TOMM20L: variants seen among roughly 807,000 people sequenced by gnomAD.
TOMM20L encodes the protein TOMM20-like protein 1.
TOMM20L carries 19 observed loss-of-function variants against 20.4 expected under a neutral mutation model. The observed-to-expected ratio is 0.93, with a 90% CI of 0.65 to 1.36. TOMM20L has a LOEUF of 1.36. Ranked by LOEUF, TOMM20L falls within the 40% of genes most tolerant of loss-of-function variation. The probability of loss-of-function intolerance (pLI) is 0.00; values close to 1 mark genes in which losing one functional copy is unlikely to be tolerated. For synonymous variants in TOMM20L, 75 were observed against 79.6 expected, an observed-to-expected ratio of 0.94 and a Z score of 0.30; for missense variants, 218 against 203.7, an observed-to-expected ratio of 1.07 and a Z score of -0.43.
Position 58,405,875 on chromosome 14 carries a change from T to G in TOMM20L, c.263-1451T>G, listed in dbSNP as rs117064509. Among the ~76,000 whole-genome samples the G allele has an allele frequency of 3.9e-3, 596 of 152,378 alleles. 4 individuals are homozygous for G. Among genetic ancestry groups the G allele is most frequent in the South Asian group, 0.013 (63 of 4,832 alleles). On this transcript the variant is annotated intron_variant, in intron 3 of 4. Transcript: ENST00000360945. ...TATTGCAGTTCTCGGTCTTGGCTGC[T>G]TATTCTTTAATTCTTCATCAAACCC...
At chr14:58,413,780 G>A in the TOMM20L span, among the ~76,000 whole-genome samples, 5 of 152,014 alleles carry the variant, frequency 3.3e-5, no homozygotes. Context: ...GGCTGAGGCG[G>A]GCAGATTACG....
In TOMM20L at chr14:58,395,996, CGCGGCGGCCTGTG is replaced by C; in HGVS notation, c.43_55del (p.Ala15ProfsTer84). ...GCTCCCTCCTCCGCCTCTTGGCCGC[CGCGGCGGCCTGTG>C]GCGCCTTCGCCTTCCTGGGCTATTG... On this transcript the variant is annotated frameshift_variant, in exon 1 of 5. Coordinates refer to ENST00000360945, the MANE Select transcript of TOMM20L (RefSeq NM_207377.3). LOFTEE classifies it high-confidence loss of function. 1 of 1,453,352 alleles carries C rather than the reference CGCGGCGGCCTGTG, an allele frequency of 6.9e-7. No homozygotes were observed. The highest frequency in any genetic ancestry group is 9.1e-7 in the Non-Finnish European group (1 of 1,096,082). 90.0% of individuals were successfully genotyped at this position (1,453,352 alleles called of 1,614,324 possible).
rs2036006244 is a variant in TOMM20L at position 58,402,656 on chromosome 14, TTGAATATTTTA to T, written c.181-12_181-2del. 1 of 1,571,400 alleles carries T rather than the reference TTGAATATTTTA, an allele frequency of 6.4e-7. No homozygotes were observed. The highest frequency in any genetic ancestry group is 8.8e-7 in the Non-Finnish European group (1 of 1,141,676). On this transcript the variant is annotated splice_polypyrimidine_tract_variant and intron_variant, in intron 2 of 4. Coordinates refer to ENST00000360945, the MANE Select transcript of TOMM20L (RefSeq NM_207377.3). ...TATACCTTACCTTCATTACTCATTGTTGAATATTTTATGAATATTTTAGTTGTGGGATCCAA... is the reference window on the plus strand; with the variant it reads ...TATACCTTACCTTCATTACTCATTGTTGAATATTTTAGTTGTGGGATCCAA...
At chr14:58,404,115 A>T (rs1311123769) in intron 3 of TOMM20L, among the ~76,000 whole-genome samples, 34 of 15,164 alleles carry the variant, frequency 2.2e-3, no homozygotes, top group East Asian at 7.0e-3. Context: ...ATATATATAT[A>T]TATATTTTTT....
chr14:58,415,489 A>G, the TOMM20L span, among the ~76,000 whole-genome samples: 2 of 152,228 alleles, frequency 1.3e-5, no homozygotes, highest in African/African-American at 4.8e-5. Flanking sequence ...CAAATGAAAA[A>G]ACAGAAGGTC....
intron 3 of TOMM20L, among the ~76,000 whole-genome samples, chr14:58,404,117 A>ATTTTTTTTTT (rs1198718876): frequency 7.4e-5 from 1 of 13,452 alleles, no homozygotes; most frequent in African/African-American, 1.6e-4. Flanking sequence ...ATATATATAT[A>ATTTTTTTTTT]TATTTTTTTT....
chr14:58,409,032 C>T (rs377636844), downstream of TOMM20L: 17 of 1,611,454 alleles, frequency 1.1e-5, no homozygotes, highest in Non-Finnish European at 1.4e-5. Context: ...ATCAGGACTT[C>T]TCTATCGTGG....
chr14:58,404,803 A>C (rs1335190342), intron 3 of TOMM20L, among the ~76,000 whole-genome samples: 1 of 152,134 alleles, frequency 6.6e-6, no homozygotes, highest in Non-Finnish European at 1.5e-5. Context: ...TTGCTTTTAG[A>C]TGGAGTAATT....
downstream of TOMM20L, chr14:58,410,913 T>C (rs762780142): frequency 3.7e-6 from 6 of 1,613,016 alleles, no homozygotes; most frequent in South Asian, 3.3e-5. Context: ...TGTAAGTTTA[T>C]TGTAGGTCCC....
At chr14:58,402,784 G>T (rs1184261443) in intron 3 of TOMM20L, 23 bp downstream of exon 3, 4 of 1,538,346 alleles carry the variant, frequency 2.6e-6, no homozygotes, top group African/African-American at 1.4e-5. Flanking sequence ...ATGTTCTTTT[G>T]TGAGTTATGA....
chr14:58,414,318 T>C, the TOMM20L span, among the ~76,000 whole-genome samples: 1 of 152,150 alleles, frequency 6.6e-6, no homozygotes, highest in African/African-American at 2.4e-5. Context: ...TAGGACAAAG[T>C]GTATGCCACC....
At chr14:58,405,325 A>T (rs1259417117) in intron 3 of TOMM20L, among the ~76,000 whole-genome samples, 1 of 152,094 alleles carries the variant, frequency 6.6e-6, no homozygotes, top group Non-Finnish European at 1.5e-5. Context: ...AAGGGCCCTC[A>T]AATTGTGGGA....
intron 2 of TOMM20L, among the ~76,000 whole-genome samples, chr14:58,398,253 A>C (rs1392709971): frequency 1.5e-4 from 23 of 152,206 alleles, no homozygotes; most frequent in Admixed American, 1.5e-3. Flanking sequence ...GTGTGAGGGC[A>C]GACTTTGTTT....
At chr14:58,409,046 G>T, downstream of TOMM20L, 1 of 1,613,046 alleles carries the variant, frequency 6.2e-7, no homozygotes, top group Non-Finnish European at 8.5e-7. Context: ...ATCGTGGTTG[G>T]CCAAGGAGTC....
intron 2 of TOMM20L, 74 bp downstream of exon 2, chr14:58,396,415 C>A: frequency 1.9e-6 from 3 of 1,553,728 alleles, no homozygotes; most frequent in Admixed American, 1.8e-5. Flanking sequence ...TGGCTCCTGG[C>A]GGGCTCGGCA....
the TOMM20L span, among the ~76,000 whole-genome samples, chr14:58,415,697 C>A: frequency 6.6e-6 from 1 of 151,968 alleles, no homozygotes. Flanking sequence ...TAACAGAGTA[C>A]AAAGGACTTG....
chr14:58,416,581 G>A, the TOMM20L span, among the ~76,000 whole-genome samples: 1 of 152,178 alleles, frequency 6.6e-6, no homozygotes, highest in East Asian at 1.9e-4. Context: ...AGTAGTCCTG[G>A]AACATCAAGG....
downstream of TOMM20L, among the ~76,000 whole-genome samples, chr14:58,412,435 C>T (rs899050939): frequency 3.3e-5 from 5 of 152,302 alleles, no homozygotes; most frequent in Non-Finnish European, 5.9e-5. Context: ...CCGCCGTGCC[C>T]GGCCAGAGAA....
At chr14:58,402,398 C>G (rs1419906881) in intron 2 of TOMM20L, among the ~76,000 whole-genome samples, 5 of 152,026 alleles carry the variant, frequency 3.3e-5, no homozygotes, top group Non-Finnish European at 5.9e-5. Flanking sequence ...AAGCAATTCT[C>G]CTGCCTCGGC....
Sources: allele counts gnomAD v4.1 joint callset (sites outside exome capture counted in the v4.1 genomes callset), GRCh38; gene constraint gnomAD v4.1.1; transcripts MANE v1.5; gene names NCBI Gene and HGNC (gene_info 2026-07-23, HGNC 2026-07-21).